The following TECTA variants were observed in gnomAD, a reference collection of about 807,000 sequenced individuals.
TECTA encodes alpha-tectorin.
In TECTA, 128 loss-of-function variants were observed where a neutral mutation model predicts 216.8. The observed-to-expected ratio is 0.59, with a 90% confidence interval of 0.51 to 0.68. TECTA has a LOEUF of 0.68. TECTA is among the 30% of genes least tolerant of loss of function. The probability of loss-of-function intolerance (pLI) is 0.00; values close to 1 mark genes in which losing one functional copy is unlikely to be tolerated. For missense variants in TECTA, 2,551 were observed against 2,786.2 expected, an observed-to-expected ratio of 0.92 and a Z score of 1.90; for synonymous variants, 1,089 against 1,117.1, an observed-to-expected ratio of 0.97 and a Z score of 0.50.
At chr11:121,142,468 G>T (rs575297766) in intron 11 of TECTA, among the ~76,000 whole-genome samples, 31 of 152,304 alleles carry the variant, frequency 2.0e-4, no homozygotes, top group African/African-American at 7.5e-4. Context: ...TCTGAGTAGA[G>T]GGTGTTCCTG....
chr11:121,139,962 T>C (rs574069165), intron 11 of TECTA, among the ~76,000 whole-genome samples: 1 of 152,358 alleles, frequency 6.6e-6, no homozygotes, highest in South Asian at 2.1e-4. Flanking sequence ...TCGCATCATA[T>C]TTGTCCTTTA....
intron 2 of TECTA, among the ~76,000 whole-genome samples, 159 bp downstream of exon 2, chr11:121,102,888 T>G (rs1285978169): frequency 6.6e-6 from 1 of 152,260 alleles, no homozygotes; most frequent in African/African-American, 2.4e-5. Context: ...GTAAAATTCA[T>G]TAACTTTAAA....
intron 7 of TECTA, among the ~76,000 whole-genome samples, chr11:121,124,432 C>T (rs897459098): frequency 2.6e-5 from 4 of 152,152 alleles, no homozygotes; most frequent in African/African-American, 9.7e-5. Flanking sequence ...ATTTCTCTGC[C>T]CTTCCCCCAC....
Position 121,105,490 on chromosome 11 carries a change from G to A in TECTA, c.65-341G>A, listed in dbSNP as rs1946382087. Among the ~76,000 whole-genome samples the A allele has an allele frequency of 6.6e-6, 1 of 152,184 alleles. No homozygotes were observed. The highest frequency in any genetic ancestry group is 1.5e-5 in the Non-Finnish European group (1 of 68,030). On this transcript the variant is annotated intron_variant, in intron 2 of 23. Transcript: ENST00000392793. This position sits in a 1 kb window ranked among gnomAD's most constrained non-coding sequence, Gnocchi z 5.3. ...AACTGTGGCCATGCCAGACCTAGAG[G>A]CTGCCTCTCAGTATCCAGAAAGCTC...
rs1206422078 is a variant in TECTA at position 121,129,659 on chromosome 11, T to C, written c.2389T>C (p.Leu797=). The C allele has an allele frequency of 1.9e-6, 3 of 1,614,184 alleles. No homozygotes were observed. The highest frequency in any genetic ancestry group is 2.5e-6 in the Non-Finnish European group (3 of 1,180,026). ...EVKLNGQEVE[L]PFFHPSGKLE... is the part of the protein sequence containing the mutation. ...TCAGTTGAATGGTCAGGAAGTGGAA[T>C]TGCCTTTTTTCCATCCTTCGGGGAA... Residue 797 remains leucine, a synonymous_variant, in exon 10 of 24, where the codon TTG becomes CTG. Transcript: ENST00000392793.
Position 121,118,735 on chromosome 11 carries a change from C to A in TECTA, c.1203+17C>A. 3.1e-6 allele frequency: 5 copies of A among 1,613,010 alleles called. No homozygotes were observed. The highest frequency in any genetic ancestry group is 1.1e-5 in the South Asian group (1 of 90,984). On this transcript the variant is annotated intron_variant, in intron 7 of 23. Coordinates refer to ENST00000392793, the MANE Select transcript of TECTA (RefSeq NM_005422.4). ...AGAGTCAAGGTGAGCCCCTTTCTAT[C>A]CTTCACGGGGAAATGGAGAAGCTGG...
intron 4 of TECTA, among the ~76,000 whole-genome samples, chr11:121,112,580 C>A (rs1273209031): frequency 6.6e-6 from 1 of 152,184 alleles, no homozygotes; most frequent in Non-Finnish European, 1.5e-5. Flanking sequence ...GACATCTCAT[C>A]AAGATTAATG....
At chr11:121,102,542 T>C in intron 1 of TECTA, 123 bp from the exon 2 acceptor site, 3 of 777,132 alleles carry the variant, frequency 3.9e-6, no homozygotes, top group Non-Finnish European at 6.8e-6. Flanking sequence ...CTGTTGATGT[T>C]GTTATGTGAA....
intron 16 of TECTA, 136 bp downstream of exon 16, chr11:121,162,506 A>T (rs1947011414): frequency 8.2e-7 from 1 of 1,221,004 alleles, no homozygotes; most frequent in African/African-American, 1.5e-5. Context: ...TGGATAGTAG[A>T]GAGCTGTGAG....
chr11:121,158,361 T>C (rs1946965845), intron 14 of TECTA, 137 bp downstream of exon 14: 26 of 1,234,530 alleles, frequency 2.1e-5, no homozygotes, highest in Non-Finnish European at 2.8e-5. Flanking sequence ...AGTGACCAGG[T>C]TTTAAAGAAT....
chr11:121,161,876 T>C (rs183555762), intron 15 of TECTA, among the ~76,000 whole-genome samples, 199 bp from the exon 16 acceptor site: 1 of 152,230 alleles, frequency 6.6e-6, no homozygotes, highest in Non-Finnish European at 1.5e-5. Flanking sequence ...TTCAGTGATA[T>C]AAACAACAGG....
At chr11:121,158,331 C>T (rs1591459152) in intron 14 of TECTA, 107 bp downstream of exon 14, 2 of 1,462,388 alleles carry the variant, frequency 1.4e-6, no homozygotes, top group South Asian at 1.2e-5. Flanking sequence ...TAGATTGTTG[C>T]TTCATGGTGT....
At chr11:121,182,796 C>T (rs1032384078) in intron 20 of TECTA, among the ~76,000 whole-genome samples, 2 of 151,960 alleles carry the variant, frequency 1.3e-5, no homozygotes, top group Admixed American at 6.5e-5. Flanking sequence ...GTATGGGAGC[C>T]AGTGGTGACT....
At chr11:121,119,038 C>CAG (rs1946532021) in intron 7 of TECTA, among the ~76,000 whole-genome samples, 1 of 149,146 alleles carries the variant, frequency 6.7e-6, no homozygotes, top group African/African-American at 2.4e-5. Flanking sequence ...CACACACACA[C>CAG]AGTTCAGAAA....
At chr11:121,177,202 G>A (rs535180807) in intron 20 of TECTA, among the ~76,000 whole-genome samples, 1 of 152,352 alleles carries the variant, frequency 6.6e-6, no homozygotes, top group African/African-American at 2.4e-5. Context: ...GTCCAGCTTT[G>A]TTCCGTTGCT....
chr11:121,174,239 T>C (rs202107374), intron 20 of TECTA, among the ~76,000 whole-genome samples: 18,533 of 150,722 alleles, frequency 0.12, 1,527 homozygotes, highest in South Asian at 0.32. Flanking sequence ...TGAATAGGAG[T>C]GGTGAGAGAG....
At chr11:121,168,372 A>G in intron 19 of TECTA, 155 bp downstream of exon 19, 2 of 1,054,320 alleles carry the variant, frequency 1.9e-6, no homozygotes, top group South Asian at 1.3e-5. Context: ...ATTGTTCAAT[A>G]GAACTCTCTG....
At chr11:121,112,490 A>G (rs753214830) in intron 4 of TECTA, among the ~76,000 whole-genome samples, 1 of 152,238 alleles carries the variant, frequency 6.6e-6, no homozygotes, top group Non-Finnish European at 1.5e-5. Context: ...GTGATGCACA[A>G]ATGCTCAATT....
At chr11:121,155,279 T>C (rs2135117594) in intron 13 of TECTA, among the ~76,000 whole-genome samples, 1 of 152,358 alleles carries the variant, frequency 6.6e-6, no homozygotes, top group South Asian at 2.1e-4. Context: ...GTGGATGAGT[T>C]ATTTACCCTT....
Sources: gnomAD v4.1 joint callset for allele counts (sites outside exome capture counted in the v4.1 genomes callset) on GRCh38, gnomAD v4.1.1 for gene constraint, Gnocchi (gnomAD v3.1) non-coding constraint, MANE v1.5 for transcripts, NCBI Gene and HGNC (gene_info 2026-07-23, HGNC 2026-07-21) for gene names.